Variants in CHCHD3 observed in about 807,000 individuals in gnomAD.
CHCHD3 encodes MICOS complex subunit MIC19.
In CHCHD3, 20 loss-of-function variants were observed where a neutral mutation model predicts 38.2. That is an observed-to-expected ratio of 0.52 (90% CI 0.37 to 0.76). The LOEUF is 0.76. Ranked by LOEUF, CHCHD3 falls within the 30% of genes least tolerant of loss-of-function variation. The probability of loss-of-function intolerance (pLI) is 0.00; values close to 1 mark genes in which losing one functional copy is unlikely to be tolerated. For synonymous variants in CHCHD3, 82 were observed against 100.0 expected (o/e 0.82, Z 1.07); for missense variants, 245 against 279.2 (o/e 0.88, Z 0.87).
chr7:132,903,296 T>C (rs1397812399), intron 4 of CHCHD3, among the ~76,000 whole-genome samples: 2 of 152,156 alleles, frequency 1.3e-5, no homozygotes, highest in Non-Finnish European at 2.9e-5. Context: ...TTATCCTGTA[T>C]TTATTTTTTA....
chr7:132,936,050 C>G (rs917983607), intron 4 of CHCHD3, among the ~76,000 whole-genome samples: 13 of 152,186 alleles, frequency 8.5e-5, no homozygotes, highest in African/African-American at 3.1e-4. Context: ...GAGGCCCACT[C>G]TCACAATGGC....
chr7:132,850,425 A>T lies in CHCHD3; in HGVS notation c.454-11956T>A, dbSNP rs181536322. ...TCCAGGAGCTTTAGAAACTTCATTA[A>T]TTAGAGTCTCAGGTTTTTTTTTTTG... On this transcript the variant is annotated intron_variant, in intron 5 of 7. Transcript: ENST00000262570. Among the ~76,000 whole-genome samples the T allele has an allele frequency of 9.3e-4, 137 of 147,010 alleles. 2 individuals are homozygous for T. Among genetic ancestry groups the T allele is most frequent in the Non-Finnish European group, 1.6e-3 (108 of 67,272 alleles).
At chr7:132,958,431 A>AG (rs1811233078) in intron 4 of CHCHD3, among the ~76,000 whole-genome samples, 1 of 152,358 alleles carries the variant, frequency 6.6e-6, no homozygotes, top group Admixed American at 6.5e-5. Flanking sequence ...TAGAAGTATG[A>AG]GAAAAAAAAG....
intron 4 of CHCHD3, among the ~76,000 whole-genome samples, chr7:132,942,829 G>C (rs2117273462): frequency 6.6e-6 from 1 of 152,234 alleles, no homozygotes; most frequent in South Asian, 2.1e-4. Flanking sequence ...AAGTTCAAAG[G>C]TGAATAAACT....
chr7:132,828,055 C>T (rs1351042735), intron 6 of CHCHD3, among the ~76,000 whole-genome samples: 2 of 152,084 alleles, frequency 1.3e-5, no homozygotes, highest in African/African-American at 2.4e-5. Flanking sequence ...GTTTTTGATA[C>T]TATGAATAAA....
intron 4 of CHCHD3, among the ~76,000 whole-genome samples, chr7:132,913,323 T>C (rs1191578961): frequency 2.0e-5 from 3 of 152,242 alleles, no homozygotes; most frequent in African/African-American, 7.2e-5. Context: ...AGTCACAATA[T>C]AATATGATGA....
intron 5 of CHCHD3, chr7:132,849,485 A>C (rs547815779): frequency 1.3e-5 from 2 of 152,334 alleles, no homozygotes; most frequent in African/African-American, 2.4e-5. Flanking sequence ...ATCACCAGTC[A>C]TCAATAATAA....
At chr7:133,029,569 G>T (rs1031246356) in intron 2 of CHCHD3, among the ~76,000 whole-genome samples, 1 of 152,140 alleles carries the variant, frequency 6.6e-6, no homozygotes, top group African/African-American at 2.4e-5. Context: ...TATAACATAG[G>T]GATGTCTTCC....
At chr7:132,875,648 G>A (rs1398243784) in intron 5 of CHCHD3, among the ~76,000 whole-genome samples, 1 of 152,180 alleles carries the variant, frequency 6.6e-6, no homozygotes, top group Admixed American at 6.5e-5. Flanking sequence ...AGATACCAAT[G>A]GGCTTTTGTG....
chr7:132,968,810 A>G (rs1456940934), intron 4 of CHCHD3, among the ~76,000 whole-genome samples: 1 of 152,218 alleles, frequency 6.6e-6, no homozygotes, highest in Non-Finnish European at 1.5e-5. Flanking sequence ...ATCATTTCAA[A>G]ATTACAACCC....
intron 4 of CHCHD3, among the ~76,000 whole-genome samples, chr7:132,950,698 C>T (rs895219431): frequency 7.2e-5 from 11 of 151,862 alleles, no homozygotes; most frequent in Non-Finnish European, 1.5e-4. Context: ...TTTTAGAAAG[C>T]CTGAAAAAGT....
chr7:132,886,517 CT>C (rs1316928274), intron 4 of CHCHD3, among the ~76,000 whole-genome samples: 1 of 151,580 alleles, frequency 6.6e-6, no homozygotes, highest in Non-Finnish European at 1.5e-5. Flanking sequence ...GCCTTTATCT[CT>C]GAGGGATGAG....
At chr7:132,981,749 C>T (rs1811923239) in intron 3 of CHCHD3, among the ~76,000 whole-genome samples, 1 of 152,036 alleles carries the variant, frequency 6.6e-6, no homozygotes, top group South Asian at 2.1e-4. Context: ...ATACATAAGG[C>T]CATTACACTA....
At chr7:132,912,365 G>C (rs1049786727) in intron 4 of CHCHD3, among the ~76,000 whole-genome samples, 2 of 151,946 alleles carry the variant, frequency 1.3e-5, no homozygotes, top group African/African-American at 4.8e-5. Flanking sequence ...TCTGAAATAA[G>C]AAGACAGATA....
intron 4 of CHCHD3, among the ~76,000 whole-genome samples, chr7:132,945,538 A>C (rs1272403676): frequency 6.6e-6 from 1 of 151,916 alleles, no homozygotes; most frequent in Non-Finnish European, 1.5e-5. Flanking sequence ...CTTCTTTACA[A>C]GTGATAGGTA....
Position 132,885,621 on chromosome 7 carries a change from G to A in CHCHD3, c.453+41C>T, listed in dbSNP as rs1377613942. ...TTTTAAATAAATATACAAGAAAACA[G>A]CAGATGTGGTAATAGAATCAATGAT... On this transcript the variant is annotated intron_variant, in intron 5 of 7. Transcript: ENST00000262570. 3.6e-5 allele frequency: 49 copies of A among 1,371,414 alleles called. No homozygotes were observed. The Admixed American group carries it at 1.0e-3, about 29-fold the overall frequency. 85.0% of individuals were successfully genotyped at this position (1,371,414 alleles called of 1,614,324 possible). A position where few individuals can be genotyped will look rare whatever the true frequency, so the allele number is the denominator to read the frequency against.
chr7:132,820,816 T>TA (rs1349972472), intron 6 of CHCHD3, among the ~76,000 whole-genome samples: 1 of 152,034 alleles, frequency 6.6e-6, no homozygotes, highest in Non-Finnish European at 1.5e-5. Context: ...TTGTTCAGTA[T>TA]ACACTACCAA....
intron 4 of CHCHD3, 53 bp downstream of exon 4, chr7:132,975,116 A>T: frequency 7.3e-7 from 1 of 1,361,566 alleles, no homozygotes; most frequent in Non-Finnish European, 1.1e-6. Flanking sequence ...CTTCCCAAAC[A>T]TCAGAGATTT....
At chr7:133,076,668 C>G (rs748575589) in intron 1 of CHCHD3, among the ~76,000 whole-genome samples, 1 of 152,164 alleles carries the variant, frequency 6.6e-6, no homozygotes, top group Non-Finnish European at 1.5e-5. Context: ...TATCCAAAAT[C>G]CGTGCCAGAA....
Sources: gnomAD v4.1 joint callset for allele counts (sites outside exome capture counted in the v4.1 genomes callset) on GRCh38, gnomAD v4.1.1 for gene constraint, MANE v1.5 for transcripts, NCBI Gene and HGNC (gene_info 2026-07-23, HGNC 2026-07-21) for gene names.